The following DENND1A variants were observed in gnomAD, a reference collection of about 807,000 sequenced individuals.
DENND1A encodes DENN domain containing 1A, also known as DENN domain-containing protein 1A.
In DENND1A, 51 loss-of-function variants were observed where a neutral mutation model predicts 113.7. That is an observed-to-expected ratio of 0.45 (90% CI 0.36 to 0.57). The LOEUF is 0.57. DENND1A is among the 20% of genes least tolerant of loss of function. DENND1A has a pLI of 0.00. For synonymous variants in DENND1A, 565 were observed against 570.8 expected (o/e 0.99, Z 0.14); for missense variants, 1,258 against 1,395.9 (o/e 0.90, Z 1.57).
At chr9:123,433,877 A>G (rs957477937) in intron 19 of DENND1A, among the ~76,000 whole-genome samples, 4 of 152,204 alleles carry the variant, frequency 2.6e-5, no homozygotes, top group Admixed American at 2.6e-4. Context: ...ATCCTTGGGC[A>G]CAGGAGAAGG....
intron 18 of DENND1A, among the ~76,000 whole-genome samples, chr9:123,442,281 G>A (rs192206261): frequency 1.3e-5 from 2 of 152,236 alleles, no homozygotes; most frequent in Non-Finnish European, 2.9e-5. Context: ...TTACTGGGAG[G>A]GCTTGGATCA....
intron 1 of DENND1A, among the ~76,000 whole-genome samples, chr9:123,884,168 A>G (rs1294608524): frequency 6.6e-6 from 1 of 152,220 alleles, no homozygotes; most frequent in East Asian, 1.9e-4. Context: ...CCTGTAAACA[A>G]TTAAGACTAT....
At chr9:123,754,506 T>A (rs1262512823) in intron 5 of DENND1A, among the ~76,000 whole-genome samples, 3 of 152,264 alleles carry the variant, frequency 2.0e-5, no homozygotes, top group South Asian at 4.1e-4. Context: ...ACAGTCACTA[T>A]CCTCTGGCAC....
At chr9:123,660,170 TAAAA>T (rs1309724818) in intron 8 of DENND1A, among the ~76,000 whole-genome samples, 1 of 152,182 alleles carries the variant, frequency 6.6e-6, no homozygotes, top group Non-Finnish European at 1.5e-5. Flanking sequence ...GCTCCCTGTC[TAAAA>T]CGGGGCTCAG....
intron 22 of DENND1A, among the ~76,000 whole-genome samples, chr9:123,385,865 T>C (rs1317155704): frequency 2.0e-5 from 3 of 152,300 alleles, no homozygotes; most frequent in East Asian, 3.9e-4. Context: ...TTAATAAAGA[T>C]GAGCACAATG....
chr9:123,489,621 A>T (rs1250001161), intron 13 of DENND1A, among the ~76,000 whole-genome samples: 2 of 152,224 alleles, frequency 1.3e-5, no homozygotes, highest in African/African-American at 2.4e-5. Flanking sequence ...CACTAACACT[A>T]GTGAAAATTA....
intron 1 of DENND1A, among the ~76,000 whole-genome samples, chr9:123,914,246 C>G (rs756668621): frequency 5.9e-5 from 9 of 151,766 alleles, no homozygotes; most frequent in Non-Finnish European, 1.2e-4. Flanking sequence ...CCTGCGACTT[C>G]TTTATAGCAA....
At chr9:123,414,395 A>T (rs2044553903) in intron 19 of DENND1A, 1 of 1,426,304 alleles carries the variant, frequency 7.0e-7, no homozygotes, top group Admixed American at 3.0e-5. Flanking sequence ...GAGAGGACTT[A>T]AAAAAATGTC....
chr9:123,440,467 G>A lies in DENND1A; in HGVS notation c.1381C>T (p.Pro461Ser), dbSNP rs1450624093. The A allele has an allele frequency of 6.4e-7, 1 of 1,570,708 alleles. No homozygotes were observed. Among genetic ancestry groups the A allele is most frequent in the Non-Finnish European group, 8.6e-7 (1 of 1,166,608 alleles). ...QKDIAENGCA[P>S]TPEEQLPKTA... Reference sequence around the variant, plus strand: ...TTTGGCAGCTGCTCTTCTGGGGTGGGGGCGCAGCCATTCTCGGCAATGTCC... The same window carrying A: ...TTTGGCAGCTGCTCTTCTGGGGTGGAGGCGCAGCCATTCTCGGCAATGTCC... The change falls in exon 19 of 24, where the codon CCC becomes TCC. Residue 461 changes from proline to serine, a missense_variant. By Grantham distance (74) the Pro-to-Ser change is moderately conservative. This residue lies in a region of DENND1A where 1,159 missense variants were observed against 1,231.7 expected (regional missense o/e 0.94). Transcript: ENST00000394215.
intron 2 of DENND1A, among the ~76,000 whole-genome samples, chr9:123,821,013 T>C (rs540471337): frequency 6.6e-6 from 1 of 152,354 alleles, no homozygotes; most frequent in South Asian, 2.1e-4. Flanking sequence ...ACAGTTTGAA[T>C]AGCACAGGCA....
At chr9:123,680,039 C>A (rs1564936104) in intron 5 of DENND1A, among the ~76,000 whole-genome samples, 1 of 152,186 alleles carries the variant, frequency 6.6e-6, no homozygotes, top group African/African-American at 2.4e-5. Flanking sequence ...GAAAGAGACA[C>A]ACCCACAACA....
intron 4 of DENND1A, among the ~76,000 whole-genome samples, chr9:123,762,277 G>A (rs535906229): frequency 3.4e-3 from 519 of 152,312 alleles, no homozygotes; most frequent in Non-Finnish European, 5.9e-3. Flanking sequence ...AGGAGACCAG[G>A]GCCAAGACCA....
At chr9:123,474,736 C>T (rs1168751221) in intron 13 of DENND1A, among the ~76,000 whole-genome samples, 1 of 152,190 alleles carries the variant, frequency 6.6e-6, no homozygotes, top group Non-Finnish European at 1.5e-5. Context: ...AATCATTGTT[C>T]TTAGCTCCCA....
At chr9:123,705,467 G>C (rs1453481187) in intron 5 of DENND1A, among the ~76,000 whole-genome samples, 1 of 152,080 alleles carries the variant, frequency 6.6e-6, no homozygotes, top group Non-Finnish European at 1.5e-5. Flanking sequence ...TAAACTACTA[G>C]AATTAGGTAG....
chr9:123,784,497 G>A (rs1172675352), intron 3 of DENND1A, among the ~76,000 whole-genome samples: 1 of 152,172 alleles, frequency 6.6e-6, no homozygotes, highest in Admixed American at 6.5e-5. Flanking sequence ...AGGAGCAACC[G>A]GGACTGATTC....
chr9:123,711,505 G>GTGTATA (rs1554970624), intron 5 of DENND1A, among the ~76,000 whole-genome samples: 4 of 62,558 alleles, frequency 6.4e-5, no homozygotes, highest in Admixed American at 3.6e-4. Flanking sequence ...ATATATATAT[G>GTGTATA]TATATATGTA....
chr9:123,522,736 G>C (rs185193674), intron 13 of DENND1A, among the ~76,000 whole-genome samples: 6 of 152,132 alleles, frequency 3.9e-5, no homozygotes, highest in Admixed American at 3.9e-4. Context: ...CCTGGGCTCC[G>C]GGCTGATGAA....
intron 19 of DENND1A, among the ~76,000 whole-genome samples, chr9:123,412,832 C>T (rs1046919794): frequency 3.3e-5 from 5 of 152,298 alleles, no homozygotes; most frequent in Admixed American, 2.6e-4. Flanking sequence ...TCACTCAGGT[C>T]ACAAAGATAC....
At chr9:123,620,401 G>A (rs2138198533) in intron 10 of DENND1A, among the ~76,000 whole-genome samples, 1 of 152,062 alleles carries the variant, frequency 6.6e-6, no homozygotes, top group Non-Finnish European at 1.5e-5. Context: ...TGCCTACTTG[G>A]TGCCAGGCTC....
Sources: allele counts gnomAD v4.1 joint callset (sites outside exome capture counted in the v4.1 genomes callset), GRCh38; gene constraint gnomAD v4.1.1; regional missense constraint gnomAD v4.1.1; transcripts MANE v1.5; gene names NCBI Gene and HGNC (gene_info 2026-07-23, HGNC 2026-07-21).